Variants in HIP1 observed in about 807,000 individuals in gnomAD.
HIP1 encodes the protein huntingtin-interacting protein 1.
In HIP1, 65 loss-of-function variants were observed where a neutral mutation model predicts 147.6. The observed-to-expected ratio is 0.44, with a 90% CI of 0.36 to 0.54. The LOEUF (loss-of-function observed/expected upper bound fraction) is 0.54, where lower values mean the gene tolerates loss of function less well. Among genes scored for constraint, HIP1 ranks in the 20% least tolerant of loss-of-function variants. HIP1 has a pLI of 0.00. For missense variants in HIP1, 1,061 were observed against 1,299.6 expected, an observed-to-expected ratio of 0.82 and a Z score of 2.82; for synonymous variants, 479 against 504.0, an observed-to-expected ratio of 0.95 and a Z score of 0.67.
intron 1 of HIP1, among the ~76,000 whole-genome samples, chr7:75,621,128 G>A (rs1436342681): frequency 6.6e-6 from 1 of 152,170 alleles, no homozygotes; most frequent in Non-Finnish European, 1.5e-5. Flanking sequence ...GATGGCTTGA[G>A]CCCAGGAGTT....
intron 1 of HIP1, among the ~76,000 whole-genome samples, chr7:75,608,239 G>A (rs1166171611): frequency 4.0e-5 from 6 of 151,698 alleles, no homozygotes; most frequent in Non-Finnish European, 7.4e-5. Context: ...CCCGGGAGGC[G>A]GAGAACGCTG....
At chr7:75,590,702 A>C (rs1418260291) in intron 4 of HIP1, among the ~76,000 whole-genome samples, 1 of 152,240 alleles carries the variant, frequency 6.6e-6, no homozygotes, top group Non-Finnish European at 1.5e-5. Flanking sequence ...AGGAATGCTT[A>C]AAGTAAAAAG....
chr7:75,668,136 C>G (rs1057398797), intron 1 of HIP1, among the ~76,000 whole-genome samples: 1 of 152,218 alleles, frequency 6.6e-6, no homozygotes, highest in African/African-American at 2.4e-5. Flanking sequence ...AGCTTTCAAG[C>G]CTGTGCCCAT....
intron 1 of HIP1, among the ~76,000 whole-genome samples, chr7:75,648,865 G>A (rs1197412052): frequency 1.3e-5 from 2 of 152,110 alleles, no homozygotes; most frequent in Non-Finnish European, 2.9e-5. Context: ...CAGCACTTTA[G>A]GAGGCCAAGA....
intron 1 of HIP1, among the ~76,000 whole-genome samples, chr7:75,643,013 A>G (rs1390075849): frequency 2.6e-5 from 4 of 152,218 alleles, no homozygotes; most frequent in Non-Finnish European, 4.4e-5. Flanking sequence ...GAAGGCTCTC[A>G]GTTCCTTGAC....
intron 1 of HIP1, chr7:75,639,198 AGGCGGCGGCGGC>A (rs530262772): frequency 1.0e-6 from 1 of 961,510 alleles, no homozygotes; most frequent in African/African-American, 1.9e-5. Context: ...GGACCGGGGC[AGGCGGCGGCGGC>A]GGCGGCGGCA....
rs1554490246 is a variant in HIP1, at chr7:75,542,936, C to T, written c.2805G>A (p.Leu935=). 1 of 1,614,076 alleles carries T rather than the reference C, an allele frequency of 6.2e-7. No homozygotes were observed. Among genetic ancestry groups the T allele is most frequent in the Non-Finnish European group, 8.5e-7 (1 of 1,179,962 alleles). ...ADKDSPNLAQ[L]QQASRGVNQA... ...GGTTCACTCCCCGAGAGGCCTGCTG[C>T]AGCTGGGCTAGGTTGGGGCTGTCCT... Residue 935 remains leucine (L), a synonymous_variant, in exon 28 of 31, where the codon CTG becomes CTA. Coordinates refer to ENST00000336926, the MANE Select transcript of HIP1 (RefSeq NM_005338.7).
chr7:75,538,197 T>C lies in HIP1; in HGVS notation c.3089A>G (p.Gln1030Arg). Residue 1030 changes from glutamine (Q) to arginine (R), a missense_variant, in exon 31 of 31, where the codon CAA becomes CGA. Transcript: ENST00000336926. ...CTATTCTTTTTCGGTTACCACTTCT[T>C]GCAGTGTAGGTGGAGATGCCTCTGT... ...EGTEASPPTL[Q>R]EVVTEKE is the part of the protein sequence containing the mutation. 1 of 1,613,452 alleles carries C rather than the reference T, an allele frequency of 6.2e-7. No individual in the cohort carries two copies. The highest frequency in any genetic ancestry group is 1.3e-5 in the African/African-American group (1 of 74,978).
intron 1 of HIP1, among the ~76,000 whole-genome samples, chr7:75,663,951 C>CAT (rs1204212809): frequency 8.9e-6 from 1 of 112,244 alleles, no homozygotes; most frequent in African/African-American, 3.7e-5. Context: ...TATATATACA[C>CAT]ATATATGTGT....
At chr7:75,659,587 T>C (rs1799242824) in intron 1 of HIP1, among the ~76,000 whole-genome samples, 1 of 151,620 alleles carries the variant, frequency 6.6e-6, no homozygotes, top group Non-Finnish European at 1.5e-5. Flanking sequence ...AGGCAGAGGT[T>C]GCAGAGAGCC....
At chr7:75,564,620 GGTCTTA>G (rs1313966792) in intron 9 of HIP1, among the ~76,000 whole-genome samples, 5 of 151,794 alleles carry the variant, frequency 3.3e-5, no homozygotes, top group Non-Finnish European at 5.9e-5. Flanking sequence ...TTTGAGATTG[GGTCTTA>G]GTCTGTCGCC....
rs1465111989 is a variant in HIP1 at position 75,533,558 on chromosome 7, T to C, written c.*4614A>G. ...GCAAACTGAAATGTGAAAGAGTCTGTTATAAGTTTGAGACAACTGCATTAT... is the reference window on the plus strand; with the variant it reads ...GCAAACTGAAATGTGAAAGAGTCTGCTATAAGTTTGAGACAACTGCATTAT... On this transcript the variant is annotated 3_prime_UTR_variant, in exon 31 of 31. Transcript: ENST00000336926. 8.6e-6 allele frequency: 2 copies of C among 231,746 alleles called. No individual in the cohort carries two copies. The highest frequency in any genetic ancestry group is 4.4e-5 in the African/African-American group (2 of 45,230). 14.4% of individuals were successfully genotyped at this position (231,746 alleles called of 1,614,324 possible). A position where few individuals can be genotyped will look rare whatever the true frequency, so the allele number is the denominator to read the frequency against.
chr7:75,563,223 A>C lies in HIP1; in HGVS notation c.844T>G (p.Phe282Val), dbSNP rs782277296. 6.2e-7 allele frequency: 1 copy of C among 1,614,202 alleles called. No individual in the cohort carries two copies. The highest frequency in any genetic ancestry group is 8.5e-7 in the Non-Finnish European group (1 of 1,180,022). The change falls in exon 10 of 31, where the codon TTC (phenylalanine) becomes GTC (valine). Residue 282 changes from phenylalanine (F) to valine (V), a missense_variant. By Grantham distance (50) the Phe-to-Val change is conservative. Around this residue, in one of 3 missense-constraint regions of HIP1, gnomAD observed 810 missense variants for 946.8 expected, o/e 0.86. Coordinates refer to ENST00000336926, the MANE Select transcript of HIP1 (RefSeq NM_005338.7). ...LFYRSSNLQYFKRLIQIPQLP... is the reference protein window; with the variant it reads ...LFYRSSNLQYVKRLIQIPQLP... Reference sequence around the variant, plus strand: ...TGGGGGATCTGAATGAGCCGCTTGAAGTACTGCAGGTTGCTGGAGCGGTAG... The same window carrying C: ...TGGGGGATCTGAATGAGCCGCTTGACGTACTGCAGGTTGCTGGAGCGGTAG...
chr7:75,583,984 G>A (rs934986575), intron 5 of HIP1, among the ~76,000 whole-genome samples: 7 of 148,892 alleles, frequency 4.7e-5, no homozygotes, highest in South Asian at 2.1e-4. Context: ...TTTTCGAGAC[G>A]GAGTCTCACT....
chr7:75,631,402 T>C (rs963599809), intron 1 of HIP1, among the ~76,000 whole-genome samples: 1 of 152,104 alleles, frequency 6.6e-6, no homozygotes, highest in Non-Finnish European at 1.5e-5. Flanking sequence ...CGGCAAGTGG[T>C]AGCAACGGGA....
intron 1 of HIP1, among the ~76,000 whole-genome samples, chr7:75,721,915 T>G (rs1191113331): frequency 6.6e-6 from 1 of 152,180 alleles, no homozygotes; most frequent in Non-Finnish European, 1.5e-5. Context: ...ACAGCAAAGC[T>G]AGCCTAACAA....
intron 8 of HIP1, among the ~76,000 whole-genome samples, chr7:75,572,375 C>T (rs1002792878): frequency 6.6e-6 from 1 of 152,136 alleles, no homozygotes; most frequent in Non-Finnish European, 1.5e-5. Flanking sequence ...TTATATTTCT[C>T]CATAAAATTC....
intron 1 of HIP1, among the ~76,000 whole-genome samples, chr7:75,732,660 C>T (rs1181141693): frequency 2.0e-5 from 3 of 152,196 alleles, no homozygotes; most frequent in Admixed American, 6.5e-5. Flanking sequence ...GGATGATAAA[C>T]ATGAGCCACT....
intron 1 of HIP1, among the ~76,000 whole-genome samples, chr7:75,607,042 C>T (rs1369219711): frequency 6.6e-6 from 1 of 151,388 alleles, no homozygotes; most frequent in Non-Finnish European, 1.5e-5. Context: ...CCAGCCTGGG[C>T]AATAGAGCGA....
Sources: allele counts gnomAD v4.1 joint callset (sites outside exome capture counted in the v4.1 genomes callset), GRCh38; gene constraint gnomAD v4.1.1; regional missense constraint gnomAD v4.1.1; transcripts MANE v1.5; gene names NCBI Gene and HGNC (gene_info 2026-07-23, HGNC 2026-07-21).